The following SERPINB8 variants were observed in gnomAD, a reference collection of about 807,000 sequenced individuals.
The protein encoded by SERPINB8 is serpin family B member 8.
In SERPINB8, 25 loss-of-function variants were observed where a neutral mutation model predicts 35.3. That is an observed-to-expected ratio of 0.71 (90% confidence interval 0.52 to 0.99). SERPINB8 has a LOEUF of 0.99. Among genes scored for constraint, SERPINB8 ranks in the 50% least tolerant of loss-of-function variants. The pLI is 0.00. For synonymous variants in SERPINB8, 186 were observed against 160.8 expected (o/e 1.16, Z -1.19); for missense variants, 484 against 446.5 (o/e 1.08, Z -0.76).
chr18:63,997,042 C>T (rs1490106755), intron 1 of SERPINB8, among the ~76,000 whole-genome samples: 2 of 152,224 alleles, frequency 1.3e-5, no homozygotes, highest in Non-Finnish European at 2.9e-5. Flanking sequence ...ATTCGACTTA[C>T]AGGTCTCAAC....
chr18:63,972,989 C>T, intron 1 of SERPINB8, among the ~76,000 whole-genome samples: 1 of 152,166 alleles, frequency 6.6e-6, no homozygotes, highest in Non-Finnish European at 1.5e-5. Flanking sequence ...GATTTATAAT[C>T]CTTTGGGTGT....
In SERPINB8 at chr18:63,986,476, G is replaced by A. The variant is rs886550385; in HGVS notation, c.721-398G>A. The A allele has an allele frequency of 2.0e-5, 28 of 1,376,986 alleles. No homozygotes were observed. The Admixed American group carries it at 3.4e-4, about 17-fold the overall frequency. The allele number at this position is 1,376,986 out of a possible 1,614,324, so 85.3% of individuals were successfully genotyped here. On this transcript the variant is annotated intron_variant, in intron 6 of 6. Transcript: ENST00000397985. ...TCCCCTCATTAGACTCAGAAGCAGA[G>A]TTCTGAGCCATGCTCTTTGTCTTTT...
intron 3 of SERPINB8, 99 bp from the exon 4 acceptor site, chr18:63,981,622 A>C (rs1270824316): frequency 1.5e-5 from 12 of 806,112 alleles, no homozygotes; most frequent in Non-Finnish European, 2.5e-5. Flanking sequence ...GACCTGTCCA[A>C]GCACTTATTG....
intron 1 of SERPINB8, among the ~76,000 whole-genome samples, chr18:64,004,298 A>G (rs924498970): frequency 1.3e-5 from 2 of 152,192 alleles, no homozygotes; most frequent in African/African-American, 4.8e-5. Flanking sequence ...TTTGCTTAGC[A>G]TGGCTAACAG....
chr18:63,985,079 A>G lies in SERPINB8; in HGVS notation c.568-14A>G, dbSNP rs2050730512. On this transcript the variant is annotated splice_polypyrimidine_tract_variant and intron_variant, in intron 5 of 6. Transcript: ENST00000397985. ...ACCCACTTTTCAGTAATCGAACTTT[A>G]ATTTTTCCGTTAGGAAAAAAAGACA... 6.2e-7 allele frequency: 1 copy of G among 1,612,602 alleles called. No individual in the cohort carries two copies. Among genetic ancestry groups the G allele is most frequent in the South Asian group, 1.1e-5 (1 of 91,016 alleles).
At chr18:63,993,771 T>G (rs1398822895), downstream of SERPINB8, among the ~76,000 whole-genome samples, 1 of 152,176 alleles carries the variant, frequency 6.6e-6, no homozygotes, top group Non-Finnish European at 1.5e-5. Flanking sequence ...GGGGGGAAGC[T>G]GCCCTGCTCA....
downstream of SERPINB8, among the ~76,000 whole-genome samples, chr18:64,008,324 C>A (rs181866843): frequency 6.2e-3 from 943 of 152,242 alleles, 11 homozygotes; most frequent in African/African-American, 0.022. Context: ...CTCACTGCAA[C>A]TTCCACCTCC....
chr18:63,973,601 C>T (rs1444859758), intron 1 of SERPINB8, among the ~76,000 whole-genome samples: 2 of 152,194 alleles, frequency 1.3e-5, no homozygotes, highest in African/African-American at 4.8e-5. Flanking sequence ...CCTAGGTTTT[C>T]TTCTAGGGTT....
At chr18:64,019,507 C>T (rs2050966415) in exon 8 of SERPINB8, 1 of 152,196 alleles carries the variant, frequency 6.6e-6, no homozygotes, top group African/African-American at 2.4e-5. Flanking sequence ...TTGAACAATA[C>T]ATCTGTTCAC....
intron 1 of SERPINB8, among the ~76,000 whole-genome samples, chr18:63,995,734 T>G (rs2050846004): frequency 6.6e-6 from 1 of 152,236 alleles, no homozygotes; most frequent in Non-Finnish European, 1.5e-5. Context: ...ATTATGTCAC[T>G]AAAACATCAG....
chr18:63,982,677 G>T (rs753551522), intron 4 of SERPINB8, among the ~76,000 whole-genome samples: 20 of 152,164 alleles, frequency 1.3e-4, no homozygotes, highest in Non-Finnish European at 2.5e-4. Flanking sequence ...CTGCCTAGTG[G>T]TCTTTCCAGT....
intron 7 of SERPINB8, among the ~76,000 whole-genome samples, chr18:64,013,467 G>T (rs1251405492): frequency 6.6e-6 from 1 of 152,018 alleles, no homozygotes; most frequent in Non-Finnish European, 1.5e-5. Flanking sequence ...ATTACAATAG[G>T]ATATTTAGAG....
At chr18:64,009,400 A>C (rs535211400), downstream of SERPINB8, among the ~76,000 whole-genome samples, 141 of 152,364 alleles carry the variant, frequency 9.3e-4, 1 homozygote, top group African/African-American at 3.3e-3. Flanking sequence ...TCTAAAGAAA[A>C]AGATCAAGTT....
chr18:63,973,080 T>C (rs957508219), intron 1 of SERPINB8, among the ~76,000 whole-genome samples: 4 of 152,252 alleles, frequency 2.6e-5, no homozygotes, highest in African/African-American at 9.6e-5. Context: ...TCTTCCATAA[T>C]GGTTGAACTA....
At chr18:63,972,917 T>A (rs2050513971) in intron 1 of SERPINB8, among the ~76,000 whole-genome samples, 2 of 152,332 alleles carry the variant, frequency 1.3e-5, no homozygotes, top group South Asian at 4.1e-4. Context: ...TGGTTCCAAG[T>A]CTTTGCTATT....
At chr18:63,986,250 A>G in intron 6 of SERPINB8, 1 of 1,609,882 alleles carries the variant, frequency 6.2e-7, no homozygotes, top group Non-Finnish European at 8.5e-7. Context: ...TACCTTATTG[A>G]TAAATAGAAA....
At chr18:63,990,433 C>T (rs1187811504), downstream of SERPINB8, among the ~76,000 whole-genome samples, 2 of 151,828 alleles carry the variant, frequency 1.3e-5, no homozygotes, top group South Asian at 4.1e-4. Context: ...AATCTTTTAT[C>T]ATATATGTGA....
downstream of SERPINB8, among the ~76,000 whole-genome samples, chr18:64,009,084 T>C (rs148512637): frequency 2.7e-3 from 413 of 152,316 alleles, 3 homozygotes; most frequent in African/African-American, 9.7e-3. Context: ...GAGAATGTCA[T>C]TAAATTTGCA....
intron 7 of SERPINB8, among the ~76,000 whole-genome samples, chr18:64,014,103 GC>G (rs1168521518): frequency 6.6e-6 from 1 of 152,136 alleles, no homozygotes; most frequent in Non-Finnish European, 1.5e-5. Context: ...GAAACAAGAA[GC>G]CCAGTGAGAA....
Sources: allele counts gnomAD v4.1 joint callset (sites outside exome capture counted in the v4.1 genomes callset), GRCh38; gene constraint gnomAD v4.1.1; transcripts MANE v1.5; gene names NCBI Gene and HGNC (gene_info 2026-07-23, HGNC 2026-07-21).